PECR: variants seen among roughly 807,000 people sequenced by gnomAD.
The protein encoded by PECR is 2,4-dienoyl-CoA reductase-related protein.
In PECR, 30 loss-of-function variants were observed where a neutral mutation model predicts 35.3. The ratio of observed to expected loss-of-function variants is 0.85; its 90% CI spans 0.64 to 1.15. The LOEUF is 1.15. PECR is among the 50% of genes most tolerant of loss of function. PECR has a pLI of 0.00. For synonymous variants in PECR, 148 were observed against 138.9 expected, an observed-to-expected ratio of 1.07 and a Z score of -0.46; for missense variants, 392 against 370.8, an observed-to-expected ratio of 1.06 and a Z score of -0.47.
chr2:216,051,281 C>CAAAAAA (rs147574036), intron 5 of PECR, among the ~76,000 whole-genome samples, 168 bp downstream of exon 5: 14 of 93,160 alleles, frequency 1.5e-4, no homozygotes, highest in South Asian at 3.7e-4. Flanking sequence ...GACTCCATCT[C>CAAAAAA]AAAAAAAAAA....
At chr2:216,036,627 A>C (rs1295955258), downstream of PECR, among the ~76,000 whole-genome samples, 1 of 152,218 alleles carries the variant, frequency 6.6e-6, no homozygotes, top group Non-Finnish European at 1.5e-5. Context: ...CTGTCTTAAG[A>C]AAGCATCACT....
chr2:216,031,457 G>GAGAAAGAA (rs1274456248), intron 7 of PECR, among the ~76,000 whole-genome samples: 13 of 117,858 alleles, frequency 1.1e-4, no homozygotes, highest in African/African-American at 3.2e-4. Context: ...GAAAGAAAGA[G>GAGAAAGAA]AGAAAGAAAG....
chr2:216,061,258 G>A (rs1481283041), intron 3 of PECR, among the ~76,000 whole-genome samples: 1 of 130,386 alleles, frequency 7.7e-6, no homozygotes, highest in African/African-American at 2.9e-5. Flanking sequence ...GCTGCAGTGA[G>A]CCACGATCAC....
At chr2:216,049,134 G>C in intron 6 of PECR, 129 bp downstream of exon 6, 1 of 749,144 alleles carries the variant, frequency 1.3e-6, no homozygotes, top group African/African-American at 1.7e-5. Context: ...CAGCCAGAAA[G>C]AACAGGGGAA....
At chr2:216,058,654 C>T (rs1695276121) in intron 4 of PECR, among the ~76,000 whole-genome samples, 1 of 151,614 alleles carries the variant, frequency 6.6e-6, no homozygotes, top group Non-Finnish European at 1.5e-5. Flanking sequence ...ATCTGAACAT[C>T]AGACAAAAAA....
chr2:216,034,178 C>G (rs142064616), downstream of PECR: 14 of 152,322 alleles, frequency 9.2e-5, no homozygotes, highest in African/African-American at 2.9e-4. Flanking sequence ...GGTGGCACTG[C>G]TTTGAGCCAA....
At chr2:216,049,057 T>G (rs539855985) in intron 6 of PECR, among the ~76,000 whole-genome samples, 140 of 152,244 alleles carry the variant, frequency 9.2e-4, no homozygotes, top group Non-Finnish European at 1.8e-3. Flanking sequence ...TGTTATTAAT[T>G]TATACCACAT....
intron 1 of PECR, 24 bp downstream of exon 1, chr2:216,081,594 T>G: frequency 6.2e-7 from 1 of 1,613,712 alleles, no homozygotes; most frequent in South Asian, 1.1e-5. Flanking sequence ...GCCACCTCTC[T>G]GCACCAGCGG....
intron 6 of PECR, among the ~76,000 whole-genome samples, chr2:216,044,431 T>C (rs1694953982): frequency 6.6e-6 from 1 of 152,198 alleles, no homozygotes; most frequent in Non-Finnish European, 1.5e-5. Context: ...GTCCCTGAAA[T>C]AGTCAATGTG....
intron 7 of PECR, among the ~76,000 whole-genome samples, chr2:216,030,671 T>A (rs545908893): frequency 6.6e-6 from 1 of 151,832 alleles, no homozygotes; most frequent in Non-Finnish European, 1.5e-5. Flanking sequence ...GCCTGCTAAG[T>A]AGCTGGGATT....
intron 6 of PECR, among the ~76,000 whole-genome samples, chr2:216,047,220 C>T (rs373915481): frequency 2.7e-5 from 4 of 150,780 alleles, no homozygotes; most frequent in Middle Eastern, 3.4e-3. Flanking sequence ...ATCGTGCCAC[C>T]GCACTCCAGC....
intron 1 of PECR, among the ~76,000 whole-genome samples, chr2:216,074,809 T>C (rs1036917290): frequency 3.3e-5 from 5 of 152,178 alleles, no homozygotes; most frequent in African/African-American, 1.2e-4. Flanking sequence ...CTTTCCACTA[T>C]AGACAAACTT....
chr2:216,045,120 G>A (rs541340355), intron 6 of PECR, among the ~76,000 whole-genome samples: 4 of 152,318 alleles, frequency 2.6e-5, no homozygotes, highest in Middle Eastern at 3.4e-3. Context: ...TCCCTCAGAG[G>A]GAGTGGGTCC....
At chr2:216,060,179 CAT>C (rs1482708589) in intron 3 of PECR, among the ~76,000 whole-genome samples, 1 of 151,920 alleles carries the variant, frequency 6.6e-6, no homozygotes, top group African/African-American at 2.4e-5. Flanking sequence ...TATATGAAAA[CAT>C]ATAAAACCAT....
At chr2:216,040,087 G>A (rs1694860750) in intron 7 of PECR, among the ~76,000 whole-genome samples, 1 of 152,000 alleles carries the variant, frequency 6.6e-6, no homozygotes, top group African/African-American at 2.4e-5. Flanking sequence ...TTAAGATAGA[G>A]CCAACACCAT....
Position 216,065,296 on chromosome 2 carries a change from T to A in PECR, c.424+16A>T. On this transcript the variant is annotated intron_variant, in intron 3 of 7. Transcript: ENST00000265322. ...AAATAAAGACATGTTGACTTGTGGA[T>A]ACTGATGGTACTTGCCTGCTTTGCA... 1 of 1,576,164 alleles carries A rather than the reference T, an allele frequency of 6.3e-7. No individual in the cohort carries two copies. The highest frequency in any genetic ancestry group is 1.3e-5 in the African/African-American group (1 of 74,320).
intron 1 of PECR, among the ~76,000 whole-genome samples, chr2:216,080,737 A>G (rs1695822373): frequency 6.6e-6 from 1 of 152,158 alleles, no homozygotes; most frequent in Admixed American, 6.5e-5. Flanking sequence ...AAAGTTGATT[A>G]TTTTTTCATA....
intron 1 of PECR, among the ~76,000 whole-genome samples, chr2:216,068,222 T>C (rs1338041016): frequency 2.2e-5 from 1 of 45,518 alleles, no homozygotes; most frequent in Non-Finnish European, 3.8e-5. Context: ...CAAGACTCCA[T>C]ATCAAAAAAA....
intron 7 of PECR, among the ~76,000 whole-genome samples, chr2:216,029,568 G>A (rs1049251400): frequency 6.6e-6 from 1 of 152,208 alleles, no homozygotes; most frequent in Non-Finnish European, 1.5e-5. Flanking sequence ...CTGCCTCCAG[G>A]CTGGCCCTTG....
Sources: allele counts gnomAD v4.1 joint callset (sites outside exome capture counted in the v4.1 genomes callset), GRCh38; gene constraint gnomAD v4.1.1; transcripts MANE v1.5; gene names NCBI Gene and HGNC (gene_info 2026-07-23, HGNC 2026-07-21).